The following GFI1 variants were observed in gnomAD, a reference collection of about 807,000 sequenced individuals.
GFI1 encodes the protein growth factor independent 1 transcriptional repressor, also known as zinc finger protein Gfi-1.
In GFI1, 15 loss-of-function variants were observed where a neutral mutation model predicts 39.2. That is an observed-to-expected ratio of 0.38 (90% CI 0.26 to 0.59). GFI1 has a LOEUF of 0.59. Among genes scored for constraint, GFI1 ranks in the 20% least tolerant of loss-of-function variants. The probability of loss-of-function intolerance (pLI) is 0.62; values close to 1 mark genes in which losing one functional copy is unlikely to be tolerated. For synonymous variants in GFI1, 239 were observed against 254.3 expected (o/e 0.94, Z 0.57); for missense variants, 475 against 574.0 (o/e 0.83, Z 1.76).
In GFI1 at chr1:92,482,019, G is replaced by C. The variant is rs1481436229; in HGVS notation, c.298+845C>G. Among the ~76,000 whole-genome samples, 2 of 151,946 alleles carry C rather than the reference G, an allele frequency of 1.3e-5. No homozygotes were observed. The highest frequency in any genetic ancestry group is 4.8e-5 in the African/African-American group (2 of 41,336). On this transcript the variant is annotated intron_variant, in intron 3 of 6. Transcript: ENST00000294702. This position sits in a 1 kb window ranked among gnomAD's most constrained non-coding sequence, Gnocchi z 4.4. ...GCTGTACCCGGAGTTTCGTTCGGAGGGGTTCGGGGCGCGCCCAATCCTTGT... is the reference window on the plus strand; with the variant it reads ...GCTGTACCCGGAGTTTCGTTCGGAGCGGTTCGGGGCGCGCCCAATCCTTGT...
In GFI1 at chr1:92,473,703, C is replaced by T. The variant is rs1054486825; in HGVS notation, c.*2326G>A. Among the ~76,000 whole-genome samples, 4 of 152,272 alleles carry T rather than the reference C, an allele frequency of 2.6e-5. No homozygotes were observed. In the South Asian group the frequency reaches 6.2e-4, roughly 24 times the overall value. On this transcript the variant is annotated 3_prime_UTR_variant, in exon 7 of 7. Coordinates refer to ENST00000294702, the MANE Select transcript of GFI1 (RefSeq NM_005263.5). ...AAAGTCGTGTGGATTCTATTTGTTT[C>T]CCAGGCTGTCAAGCAATCTCTCTTC...
chr1:92,474,416 TCA>T lies in GFI1; in HGVS notation c.*1611_*1612del, dbSNP rs1319793130. Among the ~76,000 whole-genome samples, 3 of 152,210 alleles carry T rather than the reference TCA, an allele frequency of 2.0e-5. No homozygotes were observed. Among genetic ancestry groups the T allele is most frequent in the Admixed American group, 1.3e-4 (2 of 15,282 alleles). On this transcript the variant is annotated 3_prime_UTR_variant, in exon 7 of 7. Coordinates refer to ENST00000294702, the MANE Select transcript of GFI1 (RefSeq NM_005263.5). ...GACCTAAGACCTGTGATTTCTTTAT[TCA>T]TCTGGGAGCCTTCAGGCCCCTAAAA...
Position 92,483,393 on chromosome 1 carries a change from A to G in GFI1, c.95T>C (p.Val32Ala), listed in dbSNP as rs1355244886. Residue 32 changes from valine (V) to alanine (A), a missense_variant, in exon 2 of 7, where the codon GTA becomes GCA. Val to Ala is a moderately conservative substitution (Grantham distance 64). Around this residue, in one of 4 missense-constraint regions of GFI1, gnomAD observed 275 missense variants for 275.8 expected, o/e 1.00. Transcript: ENST00000294702. ...CGCACCTGCTCGGCTAGGCGCCGGTACATTCTCTAAACGGAGGGAATAGTC... is the reference window on the plus strand; with the variant it reads ...CGCACCTGCTCGGCTAGGCGCCGGTGCATTCTCTAAACGGAGGGAATAGTC... ...GPDYSLRLENVPAPSRADSTS... is the reference protein window; with the variant it reads ...GPDYSLRLENAPAPSRADSTS... 3 of 1,609,154 alleles carry G rather than the reference A, an allele frequency of 1.9e-6. No individual in the cohort carries two copies. Among genetic ancestry groups the G allele is most frequent in the Non-Finnish European group, 2.6e-6 (3 of 1,175,922 alleles).
Position 92,480,844 on chromosome 1 carries a change from C to A in GFI1, c.543G>T (p.Ala181=), listed in dbSNP as rs1234103988. The A allele has an allele frequency of 1.4e-6, 2 of 1,480,094 alleles. No homozygotes were observed. The highest frequency in any genetic ancestry group is 1.3e-5 in the South Asian group (1 of 74,836). 91.7% of individuals were successfully genotyped at this position (1,480,094 alleles called of 1,614,324 possible). A position where few individuals can be genotyped will look rare whatever the true frequency, so the allele number is the denominator to read the frequency against. Residue 181 remains alanine, a synonymous_variant, in exon 4 of 7, where the codon GCG becomes GCT. Coordinates refer to ENST00000294702, the MANE Select transcript of GFI1 (RefSeq NM_005263.5). This position sits in a 1 kb window ranked among gnomAD's most constrained non-coding sequence, Gnocchi z 5.6. The part of the protein sequence containing the change: ...KRAAGGAGAG[A]PGSCSAGAGA... The stretch of plus-strand genomic sequence containing the variant: ...CGGCCCCTGCGCTGCAGCTCCCTGG[C>A]GCCCCGGCCCCCGCGCCGCCGGCAG...
rs994895189 is a variant in GFI1 at position 92,476,374 on chromosome 1, A to G, written c.1091-167T>C. On this transcript the variant is annotated intron_variant, in intron 6 of 6. Coordinates refer to ENST00000294702, the MANE Select transcript of GFI1 (RefSeq NM_005263.5). ...CAACCTGAACTGACTCCCAGCCTGC[A>G]ATGCGAGTCCCTGGAAGCACCATGG... Among the ~76,000 whole-genome samples the G allele has an allele frequency of 2.0e-5, 3 of 152,148 alleles. 1 individual carries two copies. In the South Asian group the frequency reaches 6.2e-4, roughly 32 times the overall value.
chr1:92,485,404 G>C (rs889890040), intron 1 of GFI1, among the ~76,000 whole-genome samples: 1 of 152,230 alleles, frequency 6.6e-6, no homozygotes, highest in Non-Finnish European at 1.5e-5. Flanking sequence ...CGGGACAGAT[G>C]GGGGCGGGGT....
Position 92,480,985 on chromosome 1 carries a change from G to A in GFI1, c.402C>T (p.His134=). ...WSGLAGSDLR[H]LVQSYRPCGA... is the part of the protein sequence containing the mutation. The stretch of plus-strand genomic sequence containing the variant: ...CACACGGTCGGTAGCTCTGCACCAG[G>A]TGCCGCAGGTCAGAACCCGCCAGGC... The change falls in exon 4 of 7, where the codon CAC becomes CAT. Residue 134 remains histidine, a synonymous_variant. Transcript: ENST00000294702. The surrounding 1 kb of genome is among the most constrained non-coding windows in gnomAD (Gnocchi z 5.6). 1 of 1,606,664 alleles carries A rather than the reference G, an allele frequency of 6.2e-7. No homozygotes were observed. The highest frequency in any genetic ancestry group is 8.5e-7 in the Non-Finnish European group (1 of 1,177,208).
intron 1 of GFI1, chr1:92,483,808 A>C: frequency 4.9e-6 from 2 of 409,280 alleles, no homozygotes; most frequent in Non-Finnish European, 4.6e-6. Context: ...TCAGCGGTAA[A>C]ACCTGTCCCG....
chr1:92,474,481 C>T lies in GFI1; in HGVS notation c.*1548G>A, dbSNP rs910219489. The stretch of plus-strand genomic sequence containing the variant: ...ATTTTCAGAGGAAAGAGCTTACTTA[C>T]GTGCCTGTGGAACCATCAGGGGCTC... On this transcript the variant is annotated 3_prime_UTR_variant, in exon 7 of 7. Transcript: ENST00000294702. Among the ~76,000 whole-genome samples, 6 of 152,208 alleles carry T rather than the reference C, an allele frequency of 3.9e-5. No homozygotes were observed. The highest frequency in any genetic ancestry group is 1.4e-4 in the African/African-American group (6 of 41,454).
At position 92,483,770 on chromosome 1, in the gene GFI1, T is replaced by C. The variant is rs187534724; in HGVS notation, c.-99-184A>G. On this transcript the variant is annotated intron_variant, in intron 1 of 6. Coordinates refer to ENST00000294702, the MANE Select transcript of GFI1 (RefSeq NM_005263.5). ...TTGGACAGGTGGCGCGAACCCGCCG[T>C]CGTTGCCGCCGCCGCCACTGACACA... The C allele has an allele frequency of 1.6e-3, 760 of 470,202 alleles. 21 individuals carry two copies. The East Asian group carries it at 0.026, about 16-fold the overall frequency. The allele number at this position is 470,202 out of a possible 1,614,324, so 29.1% of individuals were successfully genotyped here.
intron 1 of GFI1, among the ~76,000 whole-genome samples, chr1:92,486,302 T>C (rs1054251286): frequency 6.6e-6 from 1 of 151,812 alleles, no homozygotes; most frequent in East Asian, 1.9e-4. Context: ...TTAGTAGTCC[T>C]CCCAGTTCTC....
Position 92,483,859 on chromosome 1 carries a change from C to A in GFI1, c.-99-273G>T. 3 of 355,054 alleles carry A rather than the reference C, an allele frequency of 8.4e-6. 1 individual carries two copies. The highest frequency in any genetic ancestry group is 6.9e-5 in the South Asian group (3 of 43,572). 22.0% of individuals were successfully genotyped at this position (355,054 alleles called of 1,614,324 possible). On this transcript the variant is annotated intron_variant, in intron 1 of 6. Coordinates refer to ENST00000294702, the MANE Select transcript of GFI1 (RefSeq NM_005263.5). ...CCCCTTTCCTCCTCCCTGCCCACGC[C>A]CCCCAGCTCCTCCCCTTTCCTAGCG...
At chr1:92,478,514 G>A (rs1658064856) in intron 6 of GFI1, 74 bp downstream of exon 6, 1 of 1,317,796 alleles carries the variant, frequency 7.6e-7, no homozygotes. Flanking sequence ...CACTCACTGG[G>A]GCCAGAAATC....
rs2101546808 is a variant in GFI1 at position 92,473,948 on chromosome 1, G to C, written c.*2081C>G. Among the ~76,000 whole-genome samples, 1 of 152,342 alleles carries C rather than the reference G, an allele frequency of 6.6e-6. No homozygotes were observed. Among genetic ancestry groups the C allele is most frequent in the East Asian group, 1.9e-4 (1 of 5,190 alleles). ...TAGAAGAATGCCCAGCACATACTGG[G>C]TGCTCAATTATATGTGTGAAATCAA... On this transcript the variant is annotated 3_prime_UTR_variant, in exon 7 of 7. Coordinates refer to ENST00000294702, the MANE Select transcript of GFI1 (RefSeq NM_005263.5).
In GFI1 at chr1:92,478,859, C is replaced by T. The variant is rs895479397; in HGVS notation, c.925-106G>A. On this transcript the variant is annotated intron_variant, in intron 5 of 6. Coordinates refer to ENST00000294702, the MANE Select transcript of GFI1 (RefSeq NM_005263.5). ...CTCACCCCTCAGCTGACCCTAAAAT[C>T]CCTTGAACACTTTTTCTTTCTTTTT... 86 of 1,434,590 alleles carry T rather than the reference C, an allele frequency of 6.0e-5. 2 individuals carry two copies. The Admixed American group carries it at 1.7e-3, about 28-fold the overall frequency. 88.9% of individuals were successfully genotyped at this position (1,434,590 alleles called of 1,614,324 possible). A position where few individuals can be genotyped will look rare whatever the true frequency, so the allele number is the denominator to read the frequency against.
At position 92,480,778 on chromosome 1, in the gene GFI1, G is replaced by A; in HGVS notation, c.609C>T (p.Phe203=). 1 of 1,599,790 alleles carries A rather than the reference G, an allele frequency of 6.3e-7. No homozygotes were observed. The highest frequency in any genetic ancestry group is 1.9e-4 in the Middle Eastern group (1 of 5,386). Residue 203 remains phenylalanine (F), a synonymous_variant, in exon 4 of 7, where the codon TTC becomes TTT. Transcript: ENST00000294702. This position sits in a 1 kb window ranked among gnomAD's most constrained non-coding sequence, Gnocchi z 5.6. ...AGPGLGLYGD[F]GSAAAGLYER... is the part of the protein sequence containing the mutation. ...CATACAGCCCGGCTGCCGCAGACCC[G>A]AAGTCGCCGTAGAGCCCTAGGCCAG...
Position 92,475,946 on chromosome 1 carries a change from C to T in GFI1, c.*83G>A. 7.6e-7 allele frequency: 1 copy of T among 1,320,904 alleles called. No homozygotes were observed. Among genetic ancestry groups the T allele is most frequent in the Non-Finnish European group, 1.1e-6 (1 of 931,598 alleles). 81.8% of individuals were successfully genotyped at this position (1,320,904 alleles called of 1,614,324 possible). ...CTGGAAAGTCAGAAGGGAGTGGAGG[C>T]AAGCAGGGAGCAGAGTGGTGGCAAG... On this transcript the variant is annotated 3_prime_UTR_variant, in exon 7 of 7. Coordinates refer to ENST00000294702, the MANE Select transcript of GFI1 (RefSeq NM_005263.5).
chr1:92,486,575 C>T (rs1258119218), intron 1 of GFI1, among the ~76,000 whole-genome samples, 151 bp downstream of exon 1: 1 of 130,652 alleles, frequency 7.7e-6, no homozygotes, highest in Non-Finnish European at 1.6e-5. Context: ...ACCCCCGGGT[C>T]GGGACCGTGA....
rs1658438876 is a variant in GFI1 at position 92,484,598 on chromosome 1, G to A, written c.-99-1012C>T. 1 of 152,332 alleles carries A rather than the reference G, an allele frequency of 6.6e-6. No individual in the cohort carries two copies. The highest frequency in any genetic ancestry group is 1.5e-5 in the Non-Finnish European group (1 of 68,116). 9.4% of individuals were successfully genotyped at this position (152,332 alleles called of 1,614,324 possible). ...GCTGCATTAGCAGAGAGCGGGGGTC[G>A]GGCCCGGGCCCGGGAGGGAACTAGC... On this transcript the variant is annotated intron_variant, in intron 1 of 6. Transcript: ENST00000294702. This position sits in a 1 kb window ranked among gnomAD's most constrained non-coding sequence, Gnocchi z 4.1.
Sources: gnomAD v4.1 joint callset for allele counts (sites outside exome capture counted in the v4.1 genomes callset) on GRCh38, gnomAD v4.1.1 for gene constraint, gnomAD v4.1.1 regional missense constraint, Gnocchi (gnomAD v3.1) non-coding constraint, MANE v1.5 for transcripts, NCBI Gene and HGNC (gene_info 2026-07-23, HGNC 2026-07-21) for gene names.